TYR: variants seen among roughly 807,000 people sequenced by gnomAD.
TYR encodes the protein tyrosinase.
A neutral mutation model predicts 51.5 loss-of-function variants in TYR; 58 were observed. The ratio of observed to expected loss-of-function variants is 1.13; its 90% CI spans 0.91 to 1.40. TYR has a LOEUF of 1.40. Ranked by LOEUF, TYR falls within the 40% of genes most tolerant of loss-of-function variation. The pLI, the probability that TYR is intolerant of heterozygous loss-of-function variation, is 0.00. For missense variants in TYR, 732 were observed against 647.4 expected (o/e 1.13, Z -1.42); for synonymous variants, 263 against 235.2 (o/e 1.12, Z -1.08).
At chr11:89,205,270 T>C (rs1293701025) in intron 2 of TYR, among the ~76,000 whole-genome samples, 3 of 152,062 alleles carry the variant, frequency 2.0e-5, no homozygotes, top group Non-Finnish European at 4.4e-5. Flanking sequence ...GTTGAATAAC[T>C]ACATGAAAAT....
intron 3 of TYR, among the ~76,000 whole-genome samples, chr11:89,237,742 T>C (rs1401419939): frequency 6.6e-6 from 1 of 152,148 alleles, no homozygotes; most frequent in Non-Finnish European, 1.5e-5. Context: ...AGAATTTTGG[T>C]AGGGATTGCA....
chr11:89,222,548 G>T (rs1472290629), intron 2 of TYR, among the ~76,000 whole-genome samples: 2 of 152,072 alleles, frequency 1.3e-5, no homozygotes, highest in Non-Finnish European at 2.9e-5. Context: ...AGATTAGTGT[G>T]GCCAACATGG....
At chr11:89,215,500 C>G (rs914980879) in intron 2 of TYR, among the ~76,000 whole-genome samples, 1 of 151,230 alleles carries the variant, frequency 6.6e-6, no homozygotes, top group East Asian at 1.9e-4. Flanking sequence ...GTACATCTAC[C>G]CTAGAACTTA....
At chr11:89,259,288 C>T (rs891397681) in intron 3 of TYR, among the ~76,000 whole-genome samples, 1 of 152,116 alleles carries the variant, frequency 6.6e-6, no homozygotes, top group Non-Finnish European at 1.5e-5. Context: ...CCTTCTCATA[C>T]TGAGAATCAA....
Position 89,295,257 on chromosome 11 carries a change from G to A in TYR, c.1481G>A (p.Gly494Glu), listed in dbSNP as rs1379331919. ...VGAVLTALLAGLVSLLCRHKR... is the reference protein window; with the variant it reads ...VGAVLTALLAELVSLLCRHKR... ...GCCGTCCTCACTGCCCTGCTGGCAG[G>A]GCTTGTGAGCTTGCTGTGTCGTCAC... Residue 494 changes from glycine to glutamate, a missense_variant, in exon 5 of 5, where the codon GGG (glycine) becomes GAG (glutamate). Transcript: ENST00000263321. 1.2e-5 allele frequency: 19 copies of A among 1,613,798 alleles called. 1 individual carries two copies. The Admixed American group carries it at 3.0e-4, about 25-fold the overall frequency.
chr11:89,227,968 C>T lies in TYR; in HGVS notation c.1182C>T (p.Asp394=). Residue 394 remains aspartate, a splice_region_variant and synonymous_variant, in exon 3 of 5, where the codon GAC becomes GAT. Transcript: ENST00000263321. ...TCCTTCTTCACCATGCATTTGTTGA[C>T]AGGTTGGTTAATATTTCTTTATAAA... is the stretch of plus-strand genomic sequence containing the variant. ...PIFLLHHAFV[D]SIFEQWLRRH... The T allele has an allele frequency of 1.9e-6, 3 of 1,613,120 alleles. No individual in the cohort carries two copies. Among genetic ancestry groups the T allele is most frequent in the Non-Finnish European group, 2.5e-6 (3 of 1,179,534 alleles).
At chr11:89,282,696 T>C (rs1447612963) in intron 3 of TYR, among the ~76,000 whole-genome samples, 1 of 151,818 alleles carries the variant, frequency 6.6e-6, no homozygotes, top group Non-Finnish European at 1.5e-5. Context: ...TAATTTCTTC[T>C]GTTGAGGAAA....
Position 89,245,929 on chromosome 11 carries a change from A to AC in TYR, c.1184+17959_1184+17960insC, listed in dbSNP as rs1055189856. On this transcript the variant is annotated intron_variant, in intron 3 of 4. Transcript: ENST00000263321. ...GAGCAAGACTCCATCTCAAAAAAAA[A>AC]AAACAAACAAACAAAAAAAACAAAA... Among the ~76,000 whole-genome samples the AC allele has an allele frequency of 8.6e-5, 13 of 151,488 alleles. No individual in the cohort carries two copies. The East Asian group carries it at 2.3e-3, about 27-fold the overall frequency.
At chr11:89,199,971 T>C (rs1943575171) in intron 2 of TYR, among the ~76,000 whole-genome samples, 1 of 152,252 alleles carries the variant, frequency 6.6e-6, no homozygotes, top group African/African-American at 2.4e-5. Flanking sequence ...TTAAGACATA[T>C]AGACATTTCA....
Position 89,178,638 on chromosome 11 carries a change from G to T in TYR, c.685G>T (p.Glu229Ter). 1 of 1,612,672 alleles carries T rather than the reference G, an allele frequency of 6.2e-7. No individual in the cohort carries two copies. The highest frequency in any genetic ancestry group is 1.3e-5 in the African/African-American group (1 of 74,922). ...EQEIQKLTGD[E>*]NFTIPYWDWR... ...AGAAATCCAGAAGCTGACAGGAGATGAAAACTTCACTATTCCATATTGGGA... is the reference window on the plus strand; with the variant it reads ...AGAAATCCAGAAGCTGACAGGAGATTAAAACTTCACTATTCCATATTGGGA... Residue 229 changes from glutamate to a stop codon, truncating the protein, a stop_gained, in exon 1 of 5, where the codon GAA becomes TAA. Coordinates refer to ENST00000263321, the MANE Select transcript of TYR (RefSeq NM_000372.5). LOFTEE classifies it high-confidence loss of function.
At chr11:89,253,505 T>C (rs1176737756) in intron 3 of TYR, among the ~76,000 whole-genome samples, 2 of 151,878 alleles carry the variant, frequency 1.3e-5, no homozygotes, top group South Asian at 2.1e-4. Context: ...CATCAGTGTT[T>C]TGCAGTTTTC....
At chr11:89,244,894 T>G (rs1032308394) in intron 3 of TYR, among the ~76,000 whole-genome samples, 5 of 152,218 alleles carry the variant, frequency 3.3e-5, no homozygotes, top group Non-Finnish European at 5.9e-5. Context: ...TGTCAACAAC[T>G]AAGTAATGTA....
intron 3 of TYR, among the ~76,000 whole-genome samples, chr11:89,241,292 C>T (rs4561218): frequency 2.6e-5 from 4 of 152,192 alleles, no homozygotes; most frequent in Non-Finnish European, 4.4e-5. Context: ...GCCTCATACA[C>T]TTAAATTTAC....
At chr11:89,271,346 A>C (rs1447175417) in intron 3 of TYR, among the ~76,000 whole-genome samples, 4 of 151,958 alleles carry the variant, frequency 2.6e-5, no homozygotes, top group African/African-American at 9.7e-5. Flanking sequence ...ATTCTAATAA[A>C]GTTAGTCACA....
intron 2 of TYR, among the ~76,000 whole-genome samples, chr11:89,202,088 TTA>T (rs1011998730): frequency 7.7e-4 from 7 of 9,042 alleles, no homozygotes; most frequent in African/African-American, 2.0e-3. Flanking sequence ...TATAATAATG[TTA>T]TATATATATG....
intron 2 of TYR, among the ~76,000 whole-genome samples, chr11:89,218,628 C>A (rs749506088): frequency 1.3e-5 from 2 of 152,156 alleles, no homozygotes; most frequent in Admixed American, 6.5e-5. Context: ...TACCAGATAG[C>A]CTCTGTAATT....
rs566144526 is a variant in TYR at position 89,204,706 on chromosome 11, A to G, written c.1036+13288A>G. Among the ~76,000 whole-genome samples the G allele has an allele frequency of 2.0e-4, 31 of 152,212 alleles. No individual in the cohort carries two copies. The South Asian group carries it at 2.1e-3, about 10-fold the overall frequency. ...AGCCACTGCGCCCAGCTGAGATTAT[A>G]AACTTTTATAAAACAGAAGATTTAA... On this transcript the variant is annotated intron_variant, in intron 2 of 4. Coordinates refer to ENST00000263321, the MANE Select transcript of TYR (RefSeq NM_000372.5).
At chr11:89,266,431 C>T (rs1426443898) in intron 3 of TYR, among the ~76,000 whole-genome samples, 3 of 151,906 alleles carry the variant, frequency 2.0e-5, no homozygotes, top group Non-Finnish European at 2.9e-5. Flanking sequence ...GTCTTATCTA[C>T]AGATATTACC....
chr11:89,192,063 A>C (rs1275173349), intron 2 of TYR: 1 of 445,978 alleles, frequency 2.2e-6, no homozygotes, highest in Admixed American at 2.5e-5. Context: ...TAATAAGGAC[A>C]CAGCACATAG....
Sources: gnomAD v4.1 joint callset for allele counts (sites outside exome capture counted in the v4.1 genomes callset) on GRCh38, gnomAD v4.1.1 for gene constraint, MANE v1.5 for transcripts, NCBI Gene and HGNC (gene_info 2026-07-23, HGNC 2026-07-21) for gene names.